ANK3: variants seen among roughly 807,000 people sequenced by gnomAD.
ANK3 encodes ankyrin-3.
In ANK3, 57 loss-of-function variants were observed where a neutral mutation model predicts 370.9. That is an observed-to-expected ratio of 0.15 (90% confidence interval 0.12 to 0.19). The LOEUF (loss-of-function observed/expected upper bound fraction) is 0.19. Ranked by LOEUF, ANK3 falls within the 10% of genes least tolerant of loss-of-function variation. The pLI is 1.00. For synonymous variants in ANK3, 1,929 were observed against 1,946.3 expected (o/e 0.99, Z 0.23); for missense variants, 4,439 against 5,302.1 (o/e 0.84, Z 5.06).
intron 23 of ANK3, among the ~76,000 whole-genome samples, chr10:60,156,430 G>A (rs1200702205): frequency 6.6e-6 from 1 of 152,102 alleles, no homozygotes; most frequent in Non-Finnish European, 1.5e-5. Context: ...AAACATCAGC[G>A]ACAGCCAGGC....
At chr10:60,402,316 C>T (rs72806151) in intron 2 of ANK3, among the ~76,000 whole-genome samples, 18,170 of 152,066 alleles carry the variant, frequency 0.12, 1,158 homozygotes, top group South Asian at 0.14. Context: ...TAAGTATTAA[C>T]GGGGTAAATG....
chr10:60,193,817 A>G (rs180880897), intron 16 of ANK3, among the ~76,000 whole-genome samples: 268 of 152,162 alleles, frequency 1.8e-3, no homozygotes, highest in African/African-American at 6.2e-3. Flanking sequence ...ACTTGGGGTT[A>G]TTTATACATA....
intron 1 of ANK3, among the ~76,000 whole-genome samples, chr10:60,358,114 ACACACAAACACAC>A (rs2058059186): frequency 7.0e-5 from 1 of 14,200 alleles, no homozygotes; most frequent in African/African-American, 1.9e-4. Flanking sequence ...ACACACACAC[ACACACAAACACAC>A]ACACACACAC....
intron 16 of ANK3, among the ~76,000 whole-genome samples, chr10:60,190,847 A>G (rs2096464049): frequency 6.6e-6 from 1 of 152,234 alleles, no homozygotes; most frequent in East Asian, 1.9e-4. Flanking sequence ...CTACAAGGCT[A>G]TAGTAACCAA....
chr10:60,234,566 C>G, intron 8 of ANK3, 122 bp downstream of exon 8: 1 of 577,070 alleles, frequency 1.7e-6, no homozygotes, highest in South Asian at 2.5e-5. Context: ...AGTCATTTTC[C>G]AAGAGACTAT....
At chr10:60,687,598 T>A (rs999364290) in intron 1 of ANK3, among the ~76,000 whole-genome samples, 6 of 152,026 alleles carry the variant, frequency 3.9e-5, no homozygotes, top group Non-Finnish European at 8.8e-5. Flanking sequence ...CTGATGCCCT[T>A]GCACACTATT....
intron 2 of ANK3, among the ~76,000 whole-genome samples, chr10:60,459,731 C>A (rs1444373254): frequency 6.6e-6 from 1 of 152,110 alleles, no homozygotes; most frequent in Non-Finnish European, 1.5e-5. Flanking sequence ...CTTAATGAAC[C>A]AAAGGCATCT....
intron 7 of ANK3, among the ~76,000 whole-genome samples, chr10:60,243,267 C>T (rs1477102481): frequency 6.6e-6 from 1 of 152,080 alleles, no homozygotes; most frequent in Non-Finnish European, 1.5e-5. Context: ...AATATGCCCC[C>T]CTAATTTTAT....
intron 8 of ANK3, among the ~76,000 whole-genome samples, chr10:60,231,480 T>C (rs1366089574): frequency 5.9e-5 from 9 of 152,140 alleles, no homozygotes; most frequent in African/African-American, 2.2e-4. Context: ...AGTAAGTACT[T>C]GGTGGGAGGC....
chr10:60,111,871 GA>G (rs1209729414), intron 26 of ANK3: 7 of 425,758 alleles, frequency 1.6e-5, no homozygotes, highest in Non-Finnish European at 3.2e-5. Context: ...AAAACCATCA[GA>G]AAATGAAACC....
Position 60,682,623 on chromosome 10 carries a change from G to C in ANK3, c.57+50640C>G, listed in dbSNP as rs138519467. Among the ~76,000 whole-genome samples, 30 of 152,140 alleles carry C rather than the reference G, an allele frequency of 2.0e-4. 1 individual carries two copies. The East Asian group carries it at 5.6e-3, about 29-fold the overall frequency. On this transcript the variant is annotated intron_variant, in intron 1 of 43. Transcript: ENST00000373827. ...ACTGAGGGTCTTAAGACCCTTCCTG[G>C]TTAGGGTCCTACCCCATACCCTGAG...
chr10:60,475,884 T>C (rs2075051014), intron 2 of ANK3, among the ~76,000 whole-genome samples: 1 of 152,156 alleles, frequency 6.6e-6, no homozygotes, highest in Non-Finnish European at 1.5e-5. Flanking sequence ...CACACCATGC[T>C]GATAGATATA....
intron 42 of ANK3, 31 bp downstream of exon 42, chr10:60,055,627 A>G: frequency 6.4e-7 from 1 of 1,554,136 alleles, no homozygotes; most frequent in South Asian, 1.2e-5. Flanking sequence ...TTCCATTTCA[A>G]TGACTGCTAC....
At chr10:60,694,435 C>T (rs1049470504) in intron 1 of ANK3, among the ~76,000 whole-genome samples, 7 of 152,000 alleles carry the variant, frequency 4.6e-5, no homozygotes, top group African/African-American at 1.7e-4. Context: ...AACTCCAAGA[C>T]AAATAATTGT....
intron 10 of ANK3, among the ~76,000 whole-genome samples, chr10:60,207,283 T>C (rs1368153600): frequency 6.6e-6 from 1 of 152,176 alleles, no homozygotes; most frequent in African/African-American, 2.4e-5. Context: ...ACCGCACTCT[T>C]TGGAAAGGGG....
At chr10:60,255,449 C>T (rs765579503) in intron 7 of ANK3, among the ~76,000 whole-genome samples, 2 of 152,130 alleles carry the variant, frequency 1.3e-5, no homozygotes, top group South Asian at 2.1e-4. Flanking sequence ...AAAGGAAAAC[C>T]TAGAGACAGA....
intron 23 of ANK3, 189 bp from the exon 24 acceptor site, chr10:60,139,276 C>T: frequency 1.8e-6 from 1 of 568,396 alleles, no homozygotes; most frequent in South Asian, 3.3e-5. Flanking sequence ...TACACAATTT[C>T]AAGAGTGAAT....
At chr10:60,586,353 G>A (rs1467063321) in intron 2 of ANK3, among the ~76,000 whole-genome samples, 2 of 152,186 alleles carry the variant, frequency 1.3e-5, no homozygotes, top group Non-Finnish European at 2.9e-5. Context: ...ACCTCATAAT[G>A]TATACCCAAC....
chr10:60,395,735 C>T (rs571391969), intron 2 of ANK3, among the ~76,000 whole-genome samples: 13 of 152,076 alleles, frequency 8.5e-5, no homozygotes, highest in Admixed American at 5.9e-4. Context: ...TGCTCATGGA[C>T]GTGTTCCCTC....
Sources: gnomAD v4.1 joint callset for allele counts (sites outside exome capture counted in the v4.1 genomes callset) on GRCh38, gnomAD v4.1.1 for gene constraint, MANE v1.5 for transcripts, NCBI Gene and HGNC (gene_info 2026-07-23, HGNC 2026-07-21) for gene names.